ROCK2: variants seen among roughly 807,000 people sequenced by gnomAD.
ROCK2 encodes rho-associated protein kinase 2.
In ROCK2, 61 loss-of-function variants were observed where a neutral mutation model predicts 195.1. That is an observed-to-expected ratio of 0.31 (90% CI 0.25 to 0.39). The LOEUF (loss-of-function observed/expected upper bound fraction) is 0.39. Ranked by LOEUF, ROCK2 falls within the 10% of genes least tolerant of loss-of-function variation. The pLI, the probability that ROCK2 is intolerant of heterozygous loss-of-function variation, is 1.00. For synonymous variants in ROCK2, 504 were observed against 545.5 expected (o/e 0.92, Z 1.06); for missense variants, 1,109 against 1,637.4 (o/e 0.68, Z 5.57).
At chr2:11,252,696 C>A (rs1417818502) in intron 3 of ROCK2, among the ~76,000 whole-genome samples, 1 of 152,076 alleles carries the variant, frequency 6.6e-6, no homozygotes, top group Non-Finnish European at 1.5e-5. Flanking sequence ...CAAATTAACA[C>A]AGGAACAGAA....
chr2:11,334,604 T>A (rs1467400244), intron 1 of ROCK2, among the ~76,000 whole-genome samples: 1 of 151,968 alleles, frequency 6.6e-6, no homozygotes, highest in Non-Finnish European at 1.5e-5. Context: ...GAGCTCATAT[T>A]CTGTGCATTA....
At chr2:11,304,943 G>C (rs999485182) in intron 1 of ROCK2, among the ~76,000 whole-genome samples, 3 of 152,196 alleles carry the variant, frequency 2.0e-5, no homozygotes, top group African/African-American at 7.2e-5. Context: ...TAGTTACTAT[G>C]TAATAACCGA....
chr2:11,245,062 T>C (rs1304660872), intron 4 of ROCK2, among the ~76,000 whole-genome samples: 2 of 151,860 alleles, frequency 1.3e-5, no homozygotes, highest in African/African-American at 2.4e-5. Flanking sequence ...ATCACATTAT[T>C]GCAAATAGCA....
intron 5 of ROCK2, among the ~76,000 whole-genome samples, chr2:11,229,635 C>T (rs1199018993): frequency 7.3e-6 from 1 of 137,582 alleles, no homozygotes; most frequent in Non-Finnish European, 1.6e-5. Context: ...AAAAAAAAAA[C>T]AAGAAATGAA....
chr2:11,300,955 A>G (rs1215420127), intron 1 of ROCK2, among the ~76,000 whole-genome samples: 1 of 152,194 alleles, frequency 6.6e-6, no homozygotes, highest in Non-Finnish European at 1.5e-5. Flanking sequence ...ATTTGTATCT[A>G]TACCTCCTTG....
intron 23 of ROCK2, among the ~76,000 whole-genome samples, chr2:11,200,159 T>C (rs1410089745): frequency 6.6e-6 from 1 of 152,224 alleles, no homozygotes; most frequent in Non-Finnish European, 1.5e-5. Context: ...AATCTTATCT[T>C]ACTGAATTGC....
At chr2:11,207,987 T>C (rs544283362) in intron 19 of ROCK2, 77 bp from the exon 20 acceptor site, 8 of 1,153,194 alleles carry the variant, frequency 6.9e-6, no homozygotes, top group Admixed American at 5.9e-5. Context: ...GTATAAAATA[T>C]GGTGATGTAA....
At chr2:11,285,859 G>C (rs1002001571) in intron 3 of ROCK2, among the ~76,000 whole-genome samples, 4 of 151,590 alleles carry the variant, frequency 2.6e-5, no homozygotes, top group African/African-American at 9.7e-5. Flanking sequence ...AAAACCCAAA[G>C]AAAGAAGCAA....
rs551481840 is a variant in ROCK2, at chr2:11,249,339, C to T, written c.462+322G>A. On this transcript the variant is annotated intron_variant, in intron 4 of 32. Transcript: ENST00000315872. ...CCTTCCAGATGATTCAATGAATTTACTATGTTCCTACTATGTAAATCACAA... is the reference window on the plus strand; with the variant it reads ...CCTTCCAGATGATTCAATGAATTTATTATGTTCCTACTATGTAAATCACAA... 1.8e-4 allele frequency among the ~76,000 whole-genome samples: 27 copies of T among 152,292 alleles called. 1 individual carries two copies. In the South Asian group the frequency reaches 5.6e-3, roughly 32 times the overall value.
intron 3 of ROCK2, among the ~76,000 whole-genome samples, chr2:11,283,050 T>C (rs190714076): frequency 6.6e-6 from 1 of 152,136 alleles, no homozygotes; most frequent in African/African-American, 2.4e-5. Flanking sequence ...GCAGATTGCC[T>C]GAGGTCAGGA....
chr2:11,248,037 A>G (rs1038766118), intron 4 of ROCK2, among the ~76,000 whole-genome samples: 8 of 152,166 alleles, frequency 5.3e-5, no homozygotes, highest in South Asian at 2.1e-4. Flanking sequence ...AAAAAAAAAA[A>G]TTATCATGGT....
intron 4 of ROCK2, among the ~76,000 whole-genome samples, chr2:11,238,576 G>A (rs564151988): frequency 7.9e-5 from 12 of 152,220 alleles, no homozygotes; most frequent in African/African-American, 1.2e-4. Context: ...GGCCAGGCAC[G>A]GTGGCTCACG....
At chr2:11,343,810 A>T (rs1669188797) in intron 1 of ROCK2, among the ~76,000 whole-genome samples, 186 bp downstream of exon 1, 1 of 152,178 alleles carries the variant, frequency 6.6e-6, no homozygotes, top group African/African-American at 2.4e-5. Flanking sequence ...GAGGAATCAA[A>T]GGCGGGTCAC....
intron 10 of ROCK2, among the ~76,000 whole-genome samples, 192 bp downstream of exon 10, chr2:11,218,774 C>T (rs184600193): frequency 1.3e-5 from 2 of 152,274 alleles, no homozygotes; most frequent in East Asian, 3.9e-4. Flanking sequence ...TTTGTACTAG[C>T]CATCATGTCT....
At chr2:11,341,224 G>A (rs1669096744) in intron 1 of ROCK2, among the ~76,000 whole-genome samples, 1 of 152,138 alleles carries the variant, frequency 6.6e-6, no homozygotes, top group Non-Finnish European at 1.5e-5. Flanking sequence ...GAAACAAGAT[G>A]TCATCTTTAC....
At chr2:11,198,867 T>TA in intron 23 of ROCK2, 93 bp from the exon 24 acceptor site, 1 of 733,614 alleles carries the variant, frequency 1.4e-6, no homozygotes. Flanking sequence ...AGAATATTGT[T>TA]AAACCTCTTA....
chr2:11,266,985 A>G (rs1207023634), intron 3 of ROCK2, among the ~76,000 whole-genome samples: 1 of 152,204 alleles, frequency 6.6e-6, no homozygotes, highest in Non-Finnish European at 1.5e-5. Flanking sequence ...TTATTTATAC[A>G]TCTTCCTTTT....
rs540597826 is a variant in ROCK2 at position 11,286,684 on chromosome 2, T to C, written c.224-45A>G. 58 of 1,020,776 alleles carry C rather than the reference T, an allele frequency of 5.7e-5. No homozygotes were observed. The East Asian group carries it at 1.2e-3, about 21-fold the overall frequency. The allele number at this position is 1,020,776 out of a possible 1,614,324, so 63.2% of individuals were successfully genotyped here. A position where few individuals can be genotyped will look rare whatever the true frequency, so the allele number is the denominator to read the frequency against. ...ATACTTATAATATCAATCATATTTATATTTTTACATAATCAACATTTATAA... is the reference window on the plus strand; with the variant it reads ...ATACTTATAATATCAATCATATTTACATTTTTACATAATCAACATTTATAA... On this transcript the variant is annotated intron_variant, in intron 2 of 32. Coordinates refer to ENST00000315872, the MANE Select transcript of ROCK2 (RefSeq NM_004850.5).
At chr2:11,183,791 C>G (rs1315570021) in intron 32 of ROCK2, among the ~76,000 whole-genome samples, 1 of 152,164 alleles carries the variant, frequency 6.6e-6, no homozygotes, top group African/African-American at 2.4e-5. Flanking sequence ...CCTCATGTAG[C>G]TGAAAGGGAA....
Sources: allele counts gnomAD v4.1 joint callset (sites outside exome capture counted in the v4.1 genomes callset), GRCh38; gene constraint gnomAD v4.1.1; transcripts MANE v1.5; gene names NCBI Gene and HGNC (gene_info 2026-07-23, HGNC 2026-07-21).